OXT: variants seen among roughly 807,000 people sequenced by gnomAD.
OXT encodes oxytocin-neurophysin 1 proprotein.
Under a neutral mutation model 11.2 loss-of-function variants are expected in OXT, and 9 were observed. That is an observed-to-expected ratio of 0.80 (90% confidence interval 0.49 to 1.40). The LOEUF is 1.40. Among genes scored for constraint, OXT ranks in the 40% most tolerant of loss-of-function variants. OXT has a pLI of 0.00. For synonymous variants in OXT, 76 were observed against 80.9 expected, an observed-to-expected ratio of 0.94 and a Z score of 0.33; for missense variants, 175 against 178.7, an observed-to-expected ratio of 0.98 and a Z score of 0.12.
Position 3,072,490 on chromosome 20 carries a change from A to C in OXT, c.*72A>C. On this transcript the variant is annotated 3_prime_UTR_variant, in exon 3 of 3. Transcript: ENST00000217386. ...CATAGCCACCCCAGAAATGGTGAAA[A>C]TAAAATAAAGCAGGTTTTTCTCCTC... The C allele has an allele frequency of 1.3e-6, 2 of 1,532,464 alleles. No homozygotes were observed. Among genetic ancestry groups the C allele is most frequent in the Non-Finnish European group, 1.8e-6 (2 of 1,109,588 alleles). 94.9% of individuals were successfully genotyped at this position (1,532,464 alleles called of 1,614,324 possible). A position where few individuals can be genotyped will look rare whatever the true frequency, so the allele number is the denominator to read the frequency against.
In OXT at chr20:3,071,868, C is replaced by CA; in HGVS notation, c.120+94dup. Reference sequence around the variant, plus strand: ...CCGCTCCGGCCTCGCCTGAGAACTCCAGGAGCTGAGCGGATTTTGACGCCC... The same window carrying CA: ...CCGCTCCGGCCTCGCCTGAGAACTCCAAGGAGCTGAGCGGATTTTGACGCCC... On this transcript the variant is annotated intron_variant, in intron 1 of 2. Coordinates refer to ENST00000217386, the MANE Select transcript of OXT (RefSeq NM_000915.4). The surrounding 1 kb of genome is among the most constrained non-coding windows in gnomAD (Gnocchi z 4.8). 6.9e-7 allele frequency: 1 copy of CA among 1,447,686 alleles called. No individual in the cohort carries two copies. Among genetic ancestry groups the CA allele is most frequent in the South Asian group, 1.4e-5 (1 of 70,498 alleles). 89.7% of individuals were successfully genotyped at this position (1,447,686 alleles called of 1,614,324 possible).
chr20:3,072,096 G>C lies in OXT; in HGVS notation c.140G>C (p.Gly47Ala). ...CCGCAGTGCCTCCCCTGCGGCCCCG[G>C]GGGCAAAGGCCGCTGCTTCGGGCCC... ...DVRKCLPCGP[G>A]GKGRCFGPNI... Residue 47 changes from glycine to alanine, a missense_variant, in exon 2 of 3, where the codon GGG (glycine) becomes GCG (alanine). Coordinates refer to ENST00000217386, the MANE Select transcript of OXT (RefSeq NM_000915.4). 2 of 1,543,960 alleles carry C rather than the reference G, an allele frequency of 1.3e-6. No homozygotes were observed. The highest frequency in any genetic ancestry group is 1.7e-6 in the Non-Finnish European group (2 of 1,154,390).
In OXT at chr20:3,072,232, C is replaced by A; in HGVS notation, c.276C>A (p.Cys92Ter). 1.3e-6 allele frequency: 2 copies of A among 1,594,972 alleles called. No homozygotes were observed. Among genetic ancestry groups the A allele is most frequent in the Non-Finnish European group, 1.7e-6 (2 of 1,177,134 alleles). The change falls in exon 2 of 3, where the codon TGC becomes TGA. Residue 92 changes from cysteine (C) to a stop codon, truncating the protein, a stop_gained. Coordinates refer to ENST00000217386, the MANE Select transcript of OXT (RefSeq NM_000915.4). LOFTEE classifies it high-confidence loss of function. The part of the protein sequence containing the change: ...PSPCQSGQKA[C>*]GSGGRCAVLG... The stretch of plus-strand genomic sequence containing the variant: ...CCTGCCAGTCCGGCCAGAAGGCGTG[C>A]GGGAGCGGGGGCCGCTGCGCGGTCT...
rs760874748 is a variant in OXT at position 3,072,258 on chromosome 20, T to C, written c.302T>C (p.Leu101Ser). ...ACGSGGRCAV[L>S]GLCCSPDGCH... is the part of the protein sequence containing the mutation. ...GGGAGCGGGGGCCGCTGCGCGGTCT[T>C]GGGCCTCTGCTGCAGCCCGGGTGAG... is the stretch of plus-strand genomic sequence containing the variant. Residue 101 changes from leucine to serine, a missense_variant, in exon 2 of 3, where the codon TTG (leucine) becomes TCG (serine). Coordinates refer to ENST00000217386, the MANE Select transcript of OXT (RefSeq NM_000915.4). 12 of 1,595,638 alleles carry C rather than the reference T, an allele frequency of 7.5e-6. No homozygotes were observed. The East Asian group carries it at 2.7e-4, about 36-fold the overall frequency.
intron 1 of OXT, 65 bp from the exon 2 acceptor site, chr20:3,072,012 G>T: frequency 7.0e-7 from 1 of 1,419,486 alleles, no homozygotes; most frequent in Non-Finnish European, 9.1e-7. Flanking sequence ...GGCCGGCCTC[G>T]CAGGGTCCTC....
Position 3,072,386 on chromosome 20 carries a change from T to A in OXT, c.346T>A (p.Cys116Ser). Residue 116 changes from cysteine to serine, a missense_variant, in exon 3 of 3, where the codon TGC (cysteine) becomes AGC (serine). By Grantham distance (112) the Cys-to-Ser change is moderately radical. Transcript: ENST00000217386. Reference protein sequence around the residue: ...SPDGCHADPACDAEATFSQR With the variant: ...SPDGCHADPASDAEATFSQR ...AGACGGCTGCCACGCCGACCCTGCC[T>A]GCGACGCGGAAGCCACCTTCTCCCA... The A allele has an allele frequency of 6.2e-7, 1 of 1,612,160 alleles. No homozygotes were observed. Among genetic ancestry groups the A allele is most frequent in the Non-Finnish European group, 8.5e-7 (1 of 1,180,000 alleles).
intron 2 of OXT, 26 bp downstream of exon 2, chr20:3,072,304 C>A: frequency 6.3e-7 from 1 of 1,594,796 alleles, no homozygotes; most frequent in Non-Finnish European, 8.5e-7. Flanking sequence ...CGCTCCGGGG[C>A]CAGGGGGAGG....
chr20:3,072,395 G>T lies in OXT; in HGVS notation c.355G>T (p.Glu119Ter). Residue 119 changes from glutamate to a stop codon, truncating the protein, a stop_gained, in exon 3 of 3, where the codon GAA (glutamate) becomes TAA (stop). Transcript: ENST00000217386. LOFTEE classifies it high-confidence loss of function. ...CCACGCCGACCCTGCCTGCGACGCG[G>T]AAGCCACCTTCTCCCAGCGCTGAAA... ...GCHADPACDA[E>*]ATFSQR is the part of the protein sequence containing the mutation. The T allele has an allele frequency of 6.2e-7, 1 of 1,612,516 alleles. No individual in the cohort carries two copies.
rs2066075733 is a variant in OXT, at chr20:3,071,725, A to G, written c.70A>G (p.Asn24Asp). 6.3e-7 allele frequency: 1 copy of G among 1,589,810 alleles called. No homozygotes were observed. Among genetic ancestry groups the G allele is most frequent in the South Asian group, 1.1e-5 (1 of 88,018 alleles). The change falls in exon 1 of 3, where the codon AAC (asparagine) becomes GAC (aspartate). Residue 24 changes from asparagine to aspartate, a missense_variant. Coordinates refer to ENST00000217386, the MANE Select transcript of OXT (RefSeq NM_000915.4). This position sits in a 1 kb window ranked among gnomAD's most constrained non-coding sequence, Gnocchi z 4.8. ...LALTSACYIQ[N>D]CPLGGKRAAP... ...GCTGACCTCCGCCTGCTACATCCAGAACTGCCCCCTGGGAGGCAAGAGGGC... is the reference window on the plus strand; with the variant it reads ...GCTGACCTCCGCCTGCTACATCCAGGACTGCCCCCTGGGAGGCAAGAGGGC...
Position 3,071,663 on chromosome 20 carries a change from GC to G in OXT, c.12del (p.Ser5AlafsTer12). 1 of 1,601,836 alleles carries G rather than the reference GC, an allele frequency of 6.2e-7. No individual in the cohort carries two copies. On this transcript the variant is annotated frameshift_variant, in exon 1 of 3. Coordinates refer to ENST00000217386, the MANE Select transcript of OXT (RefSeq NM_000915.4). LOFTEE classifies it high-confidence loss of function. This position sits in a 1 kb window ranked among gnomAD's most constrained non-coding sequence, Gnocchi z 4.8. The part of the protein sequence containing the change: MA[G>X]PSLACCLLGL... ...ACCCAGCGCACCCGCACCATGGCCG[GC>G]CCCAGCCTCGCTTGCTGTCTGCTCG...
Position 3,072,225 on chromosome 20 carries a change from A to T in OXT, c.269A>T (p.Lys90Met). The change falls in exon 2 of 3, where the codon AAG becomes ATG. Residue 90 changes from lysine (K) to methionine (M), a missense_variant. By Grantham distance (95) the Lys-to-Met change is moderately conservative. Transcript: ENST00000217386. ...YLPSPCQSGQ[K>M]ACGSGGRCAV... ...CCGTCGCCCTGCCAGTCCGGCCAGA[A>T]GGCGTGCGGGAGCGGGGGCCGCTGC... 1 of 1,596,336 alleles carries T rather than the reference A, an allele frequency of 6.3e-7. No homozygotes were observed. Among genetic ancestry groups the T allele is most frequent in the Non-Finnish European group, 8.5e-7 (1 of 1,177,598 alleles).
At position 3,071,967 on chromosome 20, in the gene OXT, A is replaced by G; in HGVS notation, c.121-110A>G. ...CCCCGCTGTCCCGCCCGAACTCCGA[A>G]CCCCGGACCCCAGCATCCTTGCCCG... On this transcript the variant is annotated intron_variant, in intron 1 of 2. Coordinates refer to ENST00000217386, the MANE Select transcript of OXT (RefSeq NM_000915.4). This position sits in a 1 kb window ranked among gnomAD's most constrained non-coding sequence, Gnocchi z 4.8. 1 of 1,354,704 alleles carries G rather than the reference A, an allele frequency of 7.4e-7. No individual in the cohort carries two copies. The highest frequency in any genetic ancestry group is 1.6e-5 in the South Asian group (1 of 61,710). 83.9% of individuals were successfully genotyped at this position (1,354,704 alleles called of 1,614,324 possible).
chr20:3,072,016 G>A, intron 1 of OXT, 61 bp from the exon 2 acceptor site: 1 of 1,425,708 alleles, frequency 7.0e-7, no homozygotes, highest in African/African-American at 1.5e-5. Context: ...GGCCTCGCAG[G>A]GTCCTCCGAG....
chr20:3,072,239 G>T lies in OXT; in HGVS notation c.283G>T (p.Gly95Trp). 1.3e-6 allele frequency: 2 copies of T among 1,594,516 alleles called. No individual in the cohort carries two copies. Among genetic ancestry groups the T allele is most frequent in the South Asian group, 2.2e-5 (2 of 90,358 alleles). ...GTCCGGCCAGAAGGCGTGCGGGAGC[G>T]GGGGCCGCTGCGCGGTCTTGGGCCT... ...CQSGQKACGS[G>W]GRCAVLGLCC... Residue 95 changes from glycine to tryptophan, a missense_variant, in exon 2 of 3, where the codon GGG becomes TGG. Gly to Trp is a radical substitution (Grantham distance 184, BLOSUM62 -2). Coordinates refer to ENST00000217386, the MANE Select transcript of OXT (RefSeq NM_000915.4).
Position 3,071,640 on chromosome 20 carries a change from C to T in OXT, c.-16C>T, listed in dbSNP as rs1475495946. 2 of 1,602,252 alleles carry T rather than the reference C, an allele frequency of 1.2e-6. No homozygotes were observed. Among genetic ancestry groups the T allele is most frequent in the South Asian group, 2.2e-5 (2 of 90,288 alleles). ...CCGCCACCAGTCACGGACCCTGGAC[C>T]CAGCGCACCCGCACCATGGCCGGCC... On this transcript the variant is annotated 5_prime_UTR_variant, in exon 1 of 3. Coordinates refer to ENST00000217386, the MANE Select transcript of OXT (RefSeq NM_000915.4). The surrounding 1 kb of genome is among the most constrained non-coding windows in gnomAD (Gnocchi z 4.8).
Position 3,071,766 on chromosome 20 carries a change from C to G in OXT, c.111C>G (p.Asp37Glu). 6.4e-7 allele frequency: 1 copy of G among 1,574,726 alleles called. No individual in the cohort carries two copies. Among genetic ancestry groups the G allele is most frequent in the South Asian group, 1.2e-5 (1 of 86,874 alleles). Residue 37 changes from aspartate to glutamate, a missense_variant, in exon 1 of 3, where the codon GAC becomes GAG. Coordinates refer to ENST00000217386, the MANE Select transcript of OXT (RefSeq NM_000915.4). This position sits in a 1 kb window ranked among gnomAD's most constrained non-coding sequence, Gnocchi z 4.8. ...GCAAGAGGGCCGCGCCGGACCTCGA[C>G]GTGCGCAAGGTGAGTCCCCAGCCCT... ...LGGKRAAPDL[D>E]VRKCLPCGPG...
rs1390184124 is a variant in OXT at position 3,072,229 on chromosome 20, G to C, written c.273G>C (p.Ala91=). Residue 91 remains alanine (A), a synonymous_variant, in exon 2 of 3, where the codon GCG becomes GCC. Transcript: ENST00000217386. ...CGCCCTGCCAGTCCGGCCAGAAGGC[G>C]TGCGGGAGCGGGGGCCGCTGCGCGG... is the stretch of plus-strand genomic sequence containing the variant. The part of the protein sequence containing the change: ...LPSPCQSGQK[A]CGSGGRCAVL... 1 of 1,595,840 alleles carries C rather than the reference G, an allele frequency of 6.3e-7. No homozygotes were observed. The highest frequency in any genetic ancestry group is 8.5e-7 in the Non-Finnish European group (1 of 1,177,480).
At position 3,072,359 on chromosome 20, in the gene OXT, C is replaced by T. The variant is rs750117244; in HGVS notation, c.323-4C>T. ...GATTCCCCTGACTCCACCTCTTCCT[C>T]CAGACGGCTGCCACGCCGACCCTGC... On this transcript the variant is annotated splice_region_variant and splice_polypyrimidine_tract_variant and intron_variant, in intron 2 of 2. Transcript: ENST00000217386. 1.7e-5 allele frequency: 28 copies of T among 1,609,472 alleles called. No individual in the cohort carries two copies. The highest frequency in any genetic ancestry group is 1.7e-5 in the Admixed American group (1 of 60,000).
chr20:3,072,340 CCT>C, intron 2 of OXT, 21 bp from the exon 3 acceptor site: 14 of 1,606,524 alleles, frequency 8.7e-6, no homozygotes, highest in Non-Finnish European at 1.2e-5. Context: ...CCGGGATTCC[CCT>C]GACTCCACCT....
Sources: allele counts gnomAD v4.1 joint callset, GRCh38; gene constraint gnomAD v4.1.1; non-coding constraint Gnocchi (gnomAD v3.1); transcripts MANE v1.5; gene names NCBI Gene and HGNC (gene_info 2026-07-23, HGNC 2026-07-21).